RELN: variants seen among roughly 807,000 people sequenced by gnomAD.
RELN encodes reelin.
A neutral mutation model predicts 427.6 loss-of-function variants in RELN; 108 were observed. The observed-to-expected ratio is 0.25, with a 90% CI of 0.22 to 0.30. RELN has a LOEUF of 0.30. Ranked by LOEUF, RELN falls within the 10% of genes least tolerant of loss-of-function variation. The probability of loss-of-function intolerance (pLI) is 1.00; values close to 1 mark genes in which losing one functional copy is unlikely to be tolerated. For missense variants in RELN, 3,715 were observed against 4,302.8 expected (o/e 0.86, Z 3.82); for synonymous variants, 1,524 against 1,513.4 (o/e 1.01, Z -0.16).
chr7:103,809,179 A>G (rs540865401), intron 3 of RELN, among the ~76,000 whole-genome samples: 1 of 152,272 alleles, frequency 6.6e-6, no homozygotes, highest in South Asian at 2.1e-4. Context: ...CACATTTCCA[A>G]CTTAAAGTTC....
chr7:103,610,617 G>T, intron 22 of RELN, 78 bp downstream of exon 22: 2 of 801,318 alleles, frequency 2.5e-6, no homozygotes, highest in African/African-American at 1.7e-5. Context: ...AGTCATACTT[G>T]AATCAATAGA....
chr7:103,918,677 T>G (rs56406130), intron 1 of RELN, among the ~76,000 whole-genome samples: 1 of 152,072 alleles, frequency 6.6e-6, no homozygotes, highest in Non-Finnish European at 1.5e-5. Context: ...CATATAAAAG[T>G]AGTGCAAGGT....
intron 1 of RELN, among the ~76,000 whole-genome samples, chr7:103,960,187 G>T (rs1796519467): frequency 6.6e-6 from 1 of 152,166 alleles, no homozygotes; most frequent in Non-Finnish European, 1.5e-5. Flanking sequence ...AAGCTCATGA[G>T]ACTCTACATT....
intron 2 of RELN, among the ~76,000 whole-genome samples, chr7:103,891,966 G>A (rs915065716): frequency 6.6e-6 from 1 of 152,166 alleles, no homozygotes; most frequent in African/African-American, 2.4e-5. Flanking sequence ...TGTAGGGTAA[G>A]AGGAAGAATG....
chr7:103,873,499 C>T (rs1584319793), intron 2 of RELN, among the ~76,000 whole-genome samples: 1 of 67,218 alleles, frequency 1.5e-5, no homozygotes, highest in African/African-American at 5.3e-5. Context: ...ATCAAATAGA[C>T]ACAATAAAAA....
At chr7:103,627,202 G>A (rs1270710579) in intron 20 of RELN, among the ~76,000 whole-genome samples, 1 of 151,884 alleles carries the variant, frequency 6.6e-6, no homozygotes, top group Non-Finnish European at 1.5e-5. Flanking sequence ...AGAGAAAAAA[G>A]GTCATTGAAG....
chr7:103,489,871 C>T lies in RELN; in HGVS notation c.9634G>A (p.Gly3212Arg), dbSNP rs1828588593. 1 of 1,614,158 alleles carries T rather than the reference C, an allele frequency of 6.2e-7. No homozygotes were observed. The highest frequency in any genetic ancestry group is 2.2e-5 in the East Asian group (1 of 44,868). The change falls in exon 60 of 65, where the codon GGA becomes AGA. Residue 3212 changes from glycine to arginine, a missense_variant. Physicochemically the swap from Gly to Arg is moderately radical, Grantham distance 125. This residue lies in a region of RELN where 1,310 missense variants were observed against 1,643.0 expected (regional missense o/e 0.80). Coordinates refer to ENST00000428762, the MANE Select transcript of RELN (RefSeq NM_005045.4). Reference sequence around the variant, plus strand: ...CAGCTTTGCTTCTCAGTTTCTTCTCCCTTCTGGATCCAGCGGAACTGTGTT... The same window carrying T: ...CAGCTTTGCTTCTCAGTTTCTTCTCTCTTCTGGATCCAGCGGAACTGTGTT... ...SATQFRWIQKGEETEKQSWAI... is the reference protein window; with the variant it reads ...SATQFRWIQKREETEKQSWAI...
At position 103,805,396 on chromosome 7, in the gene RELN, T is replaced by A. The variant is rs117992093; in HGVS notation, c.473+28141A>T. ...GAAATGAGTACATATGTGTGGCACA[T>A]CCATGCATAAAATCATATAACTGAC... On this transcript the variant is annotated intron_variant, in intron 3 of 64. Transcript: ENST00000428762. 1.1e-4 allele frequency among the ~76,000 whole-genome samples: 16 copies of A among 152,316 alleles called. No individual in the cohort carries two copies. In the East Asian group the frequency reaches 2.9e-3, roughly 28 times the overall value.
intron 10 of RELN, among the ~76,000 whole-genome samples, chr7:103,696,169 G>A (rs905763936): frequency 3.9e-5 from 6 of 151,976 alleles, no homozygotes; most frequent in African/African-American, 1.5e-4. Context: ...TTTCTAGCTC[G>A]GGATGTTCTG....
At chr7:103,969,673 G>C (rs1262841278) in intron 1 of RELN, among the ~76,000 whole-genome samples, 1 of 152,174 alleles carries the variant, frequency 6.6e-6, no homozygotes, top group East Asian at 1.9e-4. Context: ...AAAGTACTAG[G>C]AGAAAGGATT....
At chr7:103,987,436 T>G (rs548402602) in intron 1 of RELN, among the ~76,000 whole-genome samples, 5 of 152,322 alleles carry the variant, frequency 3.3e-5, no homozygotes, top group African/African-American at 1.2e-4. Context: ...GATATTTTGG[T>G]GTTTTTAGTT....
chr7:103,639,601 T>C (rs1832657151), intron 17 of RELN, among the ~76,000 whole-genome samples: 1 of 151,992 alleles, frequency 6.6e-6, no homozygotes, highest in Non-Finnish European at 1.5e-5. Context: ...GGTCTCACCA[T>C]GTTGGCCAGG....
chr7:103,773,122 T>TTCTTTCTTTCTTTCTTTCTTTCTC (rs1791618223), intron 4 of RELN, among the ~76,000 whole-genome samples: 7 of 86,722 alleles, frequency 8.1e-5, no homozygotes, highest in Middle Eastern at 5.7e-3. Context: ...CTTTCTTTCT[T>TTCTTTCTTTCTTTCTTTCTTTCTC]TCTTTCTTTC....
rs1347535028 is a variant in RELN at position 103,826,024 on chromosome 7, A to T, written c.473+7513T>A. Among the ~76,000 whole-genome samples, 3 of 152,150 alleles carry T rather than the reference A, an allele frequency of 2.0e-5. No homozygotes were observed. In the East Asian group the frequency reaches 5.8e-4, roughly 29 times the overall value. On this transcript the variant is annotated intron_variant, in intron 3 of 64. Coordinates refer to ENST00000428762, the MANE Select transcript of RELN (RefSeq NM_005045.4). ...GACAGCTCTGCCCTCATGAATGGAT[A>T]AATGCCATTATTGTGGGAGTAGAGT...
chr7:103,919,415 A>G (rs1475608479), intron 1 of RELN, among the ~76,000 whole-genome samples: 1 of 152,080 alleles, frequency 6.6e-6, no homozygotes, highest in African/African-American at 2.4e-5. Context: ...AGGAACTTCG[A>G]CTTTGAATCT....
chr7:103,940,360 A>G (rs1211094694), intron 1 of RELN, among the ~76,000 whole-genome samples: 1 of 152,262 alleles, frequency 6.6e-6, no homozygotes, highest in Non-Finnish European at 1.5e-5. Flanking sequence ...GTCCGTTATT[A>G]TGAATAATTG....
At chr7:103,526,340 A>T (rs1353795543) in intron 46 of RELN, among the ~76,000 whole-genome samples, 2 of 152,250 alleles carry the variant, frequency 1.3e-5, no homozygotes, top group African/African-American at 2.4e-5. Flanking sequence ...TACATGAAAA[A>T]TGTACTAACA....
intron 10 of RELN, 40 bp from the exon 11 acceptor site, chr7:103,682,301 G>T: frequency 6.2e-7 from 1 of 1,610,268 alleles, no homozygotes; most frequent in Non-Finnish European, 8.5e-7. Flanking sequence ...TGTTGAATTG[G>T]TGTTGTAGCT....
At chr7:103,967,448 CTA>C (rs774775680) in intron 1 of RELN, among the ~76,000 whole-genome samples, 4 of 152,070 alleles carry the variant, frequency 2.6e-5, no homozygotes, top group Non-Finnish European at 5.9e-5. Context: ...CAGGACAACC[CTA>C]GAGCAGTGAA....
Sources: gnomAD v4.1 joint callset for allele counts (sites outside exome capture counted in the v4.1 genomes callset) on GRCh38, gnomAD v4.1.1 for gene constraint, gnomAD v4.1.1 regional missense constraint, MANE v1.5 for transcripts, NCBI Gene and HGNC (gene_info 2026-07-23, HGNC 2026-07-21) for gene names.